Variants in ANKRD36 observed in about 807,000 individuals in gnomAD.
ANKRD36 encodes ankyrin repeat domain-containing protein 36A.
In ANKRD36, 179 loss-of-function variants were observed where a neutral mutation model predicts 278.1. That is an observed-to-expected ratio of 0.64 (90% CI 0.57 to 0.73). The LOEUF (loss-of-function observed/expected upper bound fraction) is 0.73. Ranked by LOEUF, ANKRD36 falls within the 30% of genes least tolerant of loss-of-function variation. The probability of loss-of-function intolerance (pLI) is 0.00; values close to 1 mark genes in which losing one functional copy is unlikely to be tolerated. For synonymous variants in ANKRD36, 320 were observed against 641.1 expected (o/e 0.50, Z 7.57); for missense variants, 1,159 against 1,956.7 (o/e 0.59, Z 7.69).
At chr2:97,142,068 A>T (rs1040210243) in intron 6 of ANKRD36, among the ~76,000 whole-genome samples, 2 of 152,290 alleles carry the variant, frequency 1.3e-5, no homozygotes, top group Admixed American at 6.5e-5. Context: ...CTGAGAAATA[A>T]TGAATACTGT....
chr2:97,191,847 G>T (rs1451514684), intron 36 of ANKRD36, among the ~76,000 whole-genome samples: 1 of 151,614 alleles, frequency 6.6e-6, no homozygotes, highest in East Asian at 2.0e-4. Context: ...CTGTTTGTTA[G>T]CATTAGGCAT....
intron 50 of ANKRD36, among the ~76,000 whole-genome samples, chr2:97,204,569 G>T (rs1575861905): frequency 6.6e-6 from 1 of 151,398 alleles, no homozygotes; most frequent in African/African-American, 2.4e-5. Flanking sequence ...TTTTCAGTAG[G>T]GGTGGAGGGG....
At chr2:97,187,564 G>C (rs1212191584) in intron 32 of ANKRD36, among the ~76,000 whole-genome samples, 163 bp downstream of exon 32, 1 of 151,760 alleles carries the variant, frequency 6.6e-6, no homozygotes, top group African/African-American at 2.4e-5. Context: ...CTTGGGTGAC[G>C]CTAATGCTGC....
chr2:97,177,726 A>C (rs1225327561), intron 22 of ANKRD36, among the ~76,000 whole-genome samples: 1 of 151,818 alleles, frequency 6.6e-6, no homozygotes, highest in Admixed American at 6.6e-5. Context: ...TAAAAACCCT[A>C]GAAGAAAACC....
intron 75 of ANKRD36, among the ~76,000 whole-genome samples, chr2:97,261,476 A>G (rs1284798638): frequency 7.5e-6 from 1 of 133,304 alleles, no homozygotes; most frequent in Non-Finnish European, 1.5e-5. Context: ...TTAGTGCCCA[A>G]GGAACTGTTT....
rs1558713788 is a variant in ANKRD36 at position 97,200,339 on chromosome 2, T to C, written c.2761T>C (p.Ser921Pro). Residue 921 changes from serine (S) to proline (P), a missense_variant, in exon 45 of 76, where the codon TCT becomes CCT. By Grantham distance (74) the Ser-to-Pro change is moderately conservative. Coordinates refer to ENST00000420699, the MANE Select transcript of ANKRD36 (RefSeq NM_001354587.1). ...GTATCCCTTTTGCTTTTCAGTGTCT[T>C]CTCGGAAAAAACCATCCTTGGAGGT... ...KDGEKTKRVSSRKKPSLEATS... is the reference protein window; with the variant it reads ...KDGEKTKRVSPRKKPSLEATS... The C allele has an allele frequency of 6.2e-7, 1 of 1,607,126 alleles. No homozygotes were observed. Among genetic ancestry groups the C allele is most frequent in the Non-Finnish European group, 8.5e-7 (1 of 1,178,704 alleles).
chr2:97,203,941 T>C, intron 48 of ANKRD36, 127 bp from the exon 49 acceptor site: 3 of 1,427,892 alleles, frequency 2.1e-6, no homozygotes, highest in Non-Finnish European at 2.8e-6. Flanking sequence ...CAGACCAAAA[T>C]TAGAAGCCAT....
intron 50 of ANKRD36, among the ~76,000 whole-genome samples, chr2:97,204,678 A>C (rs1168430077): frequency 1.3e-5 from 2 of 151,630 alleles, no homozygotes; most frequent in South Asian, 2.1e-4. Flanking sequence ...AGGAGAACTA[A>C]GGAGACCCCT....
intron 52 of ANKRD36, 114 bp from the exon 53 acceptor site, chr2:97,207,697 A>G (rs1242092169): frequency 2.0e-6 from 3 of 1,491,248 alleles, no homozygotes; most frequent in Non-Finnish European, 1.8e-6. Context: ...GAAGCCATCA[A>G]AGCCTACGCT....
At chr2:97,127,932 A>C (rs1408267709) in intron 6 of ANKRD36, among the ~76,000 whole-genome samples, 1 of 152,146 alleles carries the variant, frequency 6.6e-6, no homozygotes, top group Non-Finnish European at 1.5e-5. Flanking sequence ...AAAAGTATTT[A>C]TTTGGTGGCA....
At chr2:97,123,909 T>G (rs2037733032) in intron 4 of ANKRD36, among the ~76,000 whole-genome samples, 2 of 146,552 alleles carry the variant, frequency 1.4e-5, no homozygotes, top group African/African-American at 4.9e-5. Context: ...ATATGTGATA[T>G]TACTTATACA....
chr2:97,207,892 C>T, intron 53 of ANKRD36, 42 bp from the exon 54 acceptor site: 2 of 1,540,858 alleles, frequency 1.3e-6, no homozygotes, highest in African/African-American at 1.4e-5. Context: ...GTCTATGAAA[C>T]ATACTTTATT....
chr2:97,175,411 C>T (rs149190944), intron 22 of ANKRD36, among the ~76,000 whole-genome samples: 18,421 of 151,666 alleles, frequency 0.12, 1,723 homozygotes, highest in Non-Finnish European at 0.18. Flanking sequence ...AGTTTATTTG[C>T]GTAGAGGTGT....
intron 15 of ANKRD36, among the ~76,000 whole-genome samples, chr2:97,157,760 A>G (rs985861725): frequency 6.7e-6 from 1 of 150,354 alleles, no homozygotes; most frequent in Admixed American, 6.6e-5. Flanking sequence ...AAAGTGATTA[A>G]TTGACTTTTT....
At chr2:97,124,375 C>T (rs2037937961) in intron 4 of ANKRD36, 85 bp from the exon 5 acceptor site, 9 of 1,463,868 alleles carry the variant, frequency 6.1e-6, no homozygotes, top group Non-Finnish European at 8.2e-6. Context: ...TCTACATGGA[C>T]AGGCAACATA....
chr2:97,146,309 C>T (rs1051759638), intron 10 of ANKRD36, among the ~76,000 whole-genome samples, 177 bp from the exon 11 acceptor site: 4 of 150,400 alleles, frequency 2.7e-5, no homozygotes, highest in Non-Finnish European at 5.9e-5. Context: ...ATAAAGATAG[C>T]GTGTTTCTGT....
In ANKRD36 at chr2:97,202,350, G is replaced by T; in HGVS notation, c.2916G>T (p.Leu972Phe). Residue 972 changes from leucine (L) to phenylalanine (F), a missense_variant, in exon 48 of 76, where the codon TTG becomes TTT. By Grantham distance (22) the Leu-to-Phe change is conservative (BLOSUM62 0). Coordinates refer to ENST00000420699, the MANE Select transcript of ANKRD36 (RefSeq NM_001354587.1). ...KGTSDEEDSVLGIARENKDGE... is the reference protein window; with the variant it reads ...KGTSDEEDSVFGIARENKDGE... ...CAAGTGACGAGGAAGATTCTGTTTT[G>T]GGTATAGCCAGAGAAAACAAGGATG... 6.4e-7 allele frequency: 1 copy of T among 1,563,778 alleles called. No individual in the cohort carries two copies. The highest frequency in any genetic ancestry group is 8.6e-7 in the Non-Finnish European group (1 of 1,157,996).
intron 50 of ANKRD36, 140 bp from the exon 51 acceptor site, chr2:97,205,799 TC>T: frequency 1.6e-6 from 2 of 1,225,454 alleles, no homozygotes; most frequent in Non-Finnish European, 2.3e-6. Flanking sequence ...CATTTTCTAG[TC>T]CCCAGACACA....
At chr2:97,220,787 T>A (rs1192834563) in intron 66 of ANKRD36, among the ~76,000 whole-genome samples, 5 of 146,250 alleles carry the variant, frequency 3.4e-5, no homozygotes, top group East Asian at 4.2e-4. Context: ...TTTTTTTTTT[T>A]TTATTATACT....
Sources: allele counts gnomAD v4.1 joint callset (sites outside exome capture counted in the v4.1 genomes callset), GRCh38; gene constraint gnomAD v4.1.1; transcripts MANE v1.5; gene names NCBI Gene and HGNC (gene_info 2026-07-23, HGNC 2026-07-21).